OAF: variants seen among roughly 807,000 people sequenced by gnomAD.
OAF encodes the protein out at first homolog.
OAF carries 13 observed loss-of-function variants against 22.5 expected under a neutral mutation model. The ratio of observed to expected loss-of-function variants is 0.58; its 90% CI spans 0.38 to 0.92. The LOEUF is 0.92. Among genes scored for constraint, OAF ranks in the 40% least tolerant of loss-of-function variants. OAF has a pLI of 0.00. For missense variants in OAF, 347 were observed against 381.8 expected (o/e 0.91, Z 0.76); for synonymous variants, 175 against 170.5 (o/e 1.03, Z -0.21).
intron 1 of OAF, among the ~76,000 whole-genome samples, chr11:120,223,777 C>T (rs1336116408): frequency 6.6e-6 from 1 of 152,304 alleles, no homozygotes; most frequent in Admixed American, 6.5e-5. Flanking sequence ...TGTGAATATC[C>T]AGATAGGCTT....
chr11:120,221,635 G>C (rs61898286), intron 1 of OAF, among the ~76,000 whole-genome samples: 4,220 of 152,302 alleles, frequency 0.028, 84 homozygotes, highest in Middle Eastern at 0.048. Context: ...GCAAAGCCAG[G>C]ATCTGAACAT....
At chr11:120,221,865 TTA>T (rs1264365632) in intron 1 of OAF, among the ~76,000 whole-genome samples, 2 of 152,154 alleles carry the variant, frequency 1.3e-5, no homozygotes, top group African/African-American at 2.4e-5. Context: ...AGAAGGAGCC[TTA>T]TAACAACCTC....
At position 120,225,640 on chromosome 11, in the gene OAF, CA is replaced by C; in HGVS notation, c.232-20del. 1 of 1,573,492 alleles carries C rather than the reference CA, an allele frequency of 6.4e-7. No individual in the cohort carries two copies. Among genetic ancestry groups the C allele is most frequent in the South Asian group, 1.2e-5 (1 of 86,212 alleles). On this transcript the variant is annotated intron_variant, in intron 1 of 3. Coordinates refer to ENST00000328965, the MANE Select transcript of OAF (RefSeq NM_178507.4). ...AGGTCCCACACCCTCCAGCCGTTCC[CA>C]TCCTCCTGCCCTTCTTCAGGATGTG...
At chr11:120,226,684 G>T in intron 2 of OAF, 132 bp from the exon 3 acceptor site, 1 of 734,456 alleles carries the variant, frequency 1.4e-6, no homozygotes, top group Non-Finnish European at 2.2e-6. Flanking sequence ...GAGGGGTGGG[G>T]CTGCCACCCT....
chr11:120,228,534 C>T (rs758049398), intron 3 of OAF, among the ~76,000 whole-genome samples: 1 of 152,160 alleles, frequency 6.6e-6, no homozygotes, highest in African/African-American at 2.4e-5. Context: ...TCATTAAACT[C>T]TGGGTCGATG....
chr11:120,217,251 T>A (rs1938224823), intron 1 of OAF: 1 of 152,232 alleles, frequency 6.6e-6, no homozygotes, highest in African/African-American at 2.4e-5. Flanking sequence ...GCATGGCCTC[T>A]TGGGGAGCTG....
intron 1 of OAF, chr11:120,213,955 C>A (rs1938181410): frequency 6.6e-6 from 1 of 152,156 alleles, no homozygotes; most frequent in Non-Finnish European, 1.5e-5. Context: ...CTTGTAGTCC[C>A]AGCTATTCAA....
chr11:120,212,093 G>T (rs989756099), intron 1 of OAF, among the ~76,000 whole-genome samples: 5 of 152,194 alleles, frequency 3.3e-5, no homozygotes, highest in Non-Finnish European at 7.3e-5. Flanking sequence ...CTGGAAGGCT[G>T]GGGCGCTTGC....
chr11:120,228,228 G>A (rs1250868029), intron 3 of OAF, among the ~76,000 whole-genome samples: 3 of 152,022 alleles, frequency 2.0e-5, no homozygotes, highest in African/African-American at 7.3e-5. Context: ...GAGATTATAG[G>A]TGCCCGCCAC....
Position 120,211,238 on chromosome 11 carries a change from CACGCGGCGCGCCGGGGCCGCGG to C in OAF, c.-38_-17del. 1 of 1,162,268 alleles carries C rather than the reference CACGCGGCGCGCCGGGGCCGCGG, an allele frequency of 8.6e-7. No individual in the cohort carries two copies. 72.0% of individuals were successfully genotyped at this position (1,162,268 alleles called of 1,614,324 possible). ...GTTTGCCTGCGCCTCTCCCCGCCCC[CACGCGGCGCGCCGGGGCCGCGG>C]ACGGCAGCGGCCCCCGGGGATGCGC... On this transcript the variant is annotated 5_prime_UTR_variant, in exon 1 of 4. Transcript: ENST00000328965.
At position 120,226,701 on chromosome 11, in the gene OAF, G is replaced by A. The variant is rs76523273; in HGVS notation, c.367-115G>A. 1,494 of 887,978 alleles carry A rather than the reference G, an allele frequency of 1.7e-3. 20 individuals are homozygous for A. In the African/African-American group the frequency reaches 0.023, roughly 14 times the overall value. 55.0% of individuals were successfully genotyped at this position (887,978 alleles called of 1,614,324 possible). On this transcript the variant is annotated intron_variant, in intron 2 of 3. Coordinates refer to ENST00000328965, the MANE Select transcript of OAF (RefSeq NM_178507.4). ...GGGGTGGGGCTGCCACCCTGCAGAT[G>A]GCCCCAGCGTTCTAAAGGCAGTCAG...
At chr11:120,221,733 C>T (rs1000299677) in intron 1 of OAF, among the ~76,000 whole-genome samples, 3 of 152,258 alleles carry the variant, frequency 2.0e-5, no homozygotes, top group Middle Eastern at 3.4e-3. Flanking sequence ...CAGACGAGGA[C>T]CCTAGCAAAC....
At chr11:120,228,201 C>T (rs1197735361) in intron 3 of OAF, among the ~76,000 whole-genome samples, 1 of 152,098 alleles carries the variant, frequency 6.6e-6, no homozygotes, top group Non-Finnish European at 1.5e-5. Context: ...TCTCCTGCCT[C>T]AGCCTCCAGG....
intron 1 of OAF, among the ~76,000 whole-genome samples, chr11:120,221,042 G>A (rs1938274728): frequency 6.6e-6 from 1 of 152,182 alleles, no homozygotes; most frequent in Non-Finnish European, 1.5e-5. Context: ...CCCTCACTGT[G>A]CGAAGTCTTC....
Position 120,211,366 on chromosome 11 carries a change from G to C in OAF, c.87G>C (p.Pro29=). 6.9e-7 allele frequency: 1 copy of C among 1,449,446 alleles called. No individual in the cohort carries two copies. Among genetic ancestry groups the C allele is most frequent in the Non-Finnish European group, 9.2e-7 (1 of 1,091,472 alleles). 89.8% of individuals were successfully genotyped at this position (1,449,446 alleles called of 1,614,324 possible). A position where few individuals can be genotyped will look rare whatever the true frequency, so the allele number is the denominator to read the frequency against. ...CGCCGCTGCTGGGAACGGGTGCGCCGGCCGAGCTGCGGGTCCGCGTGCGGC... is the reference window on the plus strand; with the variant it reads ...CGCCGCTGCTGGGAACGGGTGCGCCCGCCGAGCTGCGGGTCCGCGTGCGGC... ...LLAPLLGTGA[P]AELRVRVRLP... Residue 29 remains proline (P), a synonymous_variant, in exon 1 of 4, where the codon CCG becomes CCC. Coordinates refer to ENST00000328965, the MANE Select transcript of OAF (RefSeq NM_178507.4).
chr11:120,225,250 A>C (rs1938336382), intron 1 of OAF, among the ~76,000 whole-genome samples: 1 of 151,736 alleles, frequency 6.6e-6, no homozygotes, highest in Non-Finnish European at 1.5e-5. Flanking sequence ...AATGTCTAAG[A>C]TTTCTAGCCA....
At chr11:120,228,821 T>TACCAAACC in intron 3 of OAF, 47 bp from the exon 4 acceptor site, 1 of 520,280 alleles carries the variant, frequency 1.9e-6, no homozygotes, top group African/African-American at 2.0e-5. Flanking sequence ...GGGAGCTCCT[T>TACCAAACC]CCCTCCCTCC....
chr11:120,218,944 A>C (rs1438237332), intron 1 of OAF, among the ~76,000 whole-genome samples: 1 of 152,158 alleles, frequency 6.6e-6, no homozygotes, highest in Non-Finnish European at 1.5e-5. Flanking sequence ...CAAGGTGATG[A>C]CATGCGGTAA....
At chr11:120,218,364 C>T (rs1016093118) in intron 1 of OAF, among the ~76,000 whole-genome samples, 3 of 152,168 alleles carry the variant, frequency 2.0e-5, no homozygotes, top group Non-Finnish European at 4.4e-5. Flanking sequence ...CGTTCCTGCT[C>T]GAGAAGCCTG....
Sources: allele counts gnomAD v4.1 joint callset (sites outside exome capture counted in the v4.1 genomes callset), GRCh38; gene constraint gnomAD v4.1.1; transcripts MANE v1.5; gene names NCBI Gene and HGNC (gene_info 2026-07-23, HGNC 2026-07-21).